Variants in LGALS9B observed in about 807,000 individuals in gnomAD.
The protein encoded by LGALS9B is galectin 9B.
In LGALS9B, 8 loss-of-function variants were observed where a neutral mutation model predicts 35.9. The observed-to-expected ratio is 0.22, with a 90% confidence interval of 0.13 to 0.40. The LOEUF (loss-of-function observed/expected upper bound fraction) is 0.40, where lower values mean the gene tolerates loss of function less well. Ranked by LOEUF, LGALS9B falls within the 10% of genes least tolerant of loss-of-function variation. The pLI, the probability that LGALS9B is intolerant of heterozygous loss-of-function variation, is 1.00. For synonymous variants in LGALS9B, 42 were observed against 148.6 expected, an observed-to-expected ratio of 0.28 and a Z score of 5.22; for missense variants, 101 against 397.9, an observed-to-expected ratio of 0.25 and a Z score of 6.35.
intron 1 of LGALS9B, among the ~76,000 whole-genome samples, chr17:20,464,122 G>A (rs1223296916): frequency 8.1e-6 from 1 of 123,532 alleles, no homozygotes; most frequent in Non-Finnish European, 1.6e-5. Flanking sequence ...TTTTGAGACA[G>A]GATCTCATTC....
At chr17:20,458,482 A>T in intron 2 of LGALS9B, 98 bp from the exon 3 acceptor site, 2 of 1,453,834 alleles carry the variant, frequency 1.4e-6, no homozygotes, top group Non-Finnish European at 1.9e-6. Flanking sequence ...TTTGTCTGGG[A>T]TCTTGCATAC....
At chr17:20,461,680 G>A (rs62066958) in intron 1 of LGALS9B, among the ~76,000 whole-genome samples, 19,605 of 85,962 alleles carry the variant, frequency 0.23, 3,531 homozygotes, top group Middle Eastern at 0.34. Flanking sequence ...CAAAGTAGAC[G>A]TCACACGCCT....
intron 2 of LGALS9B, 109 bp downstream of exon 2, chr17:20,460,243 A>G: frequency 6.3e-7 from 1 of 1,591,718 alleles, no homozygotes; most frequent in South Asian, 1.1e-5. Context: ...CCCCTGCGCC[A>G]GGCACGTGAG....
chr17:20,455,330 T>C lies in LGALS9B; in HGVS notation c.513A>G (p.Pro171=). 1 of 1,352,020 alleles carries C rather than the reference T, an allele frequency of 7.4e-7. No homozygotes were observed. Among genetic ancestry groups the C allele is most frequent in the Non-Finnish European group, 1.0e-6 (1 of 968,800 alleles). The allele number at this position is 1,352,020 out of a possible 1,614,324, so 83.8% of individuals were successfully genotyped here. A position where few individuals can be genotyped will look rare whatever the true frequency, so the allele number is the denominator to read the frequency against. Residue 171 remains proline, a synonymous_variant, in exon 5 of 11, where the codon CCA becomes CCG. Coordinates refer to ENST00000423676, the MANE Select transcript of LGALS9B (RefSeq NM_001367292.2). ...TTTGTCTGCGCCCCCTGGGCCTGGG[T>C]GGGAAACAGACAGGCTGGGAGAACG... The part of the protein sequence containing the change: ...TVPFSQPVCF[P]PRPRGRRQKP...
At position 20,460,395 on chromosome 17, in the gene LGALS9B, G is replaced by A; in HGVS notation, c.88C>T (p.Gln30Ter). The change falls in exon 2 of 11, where the codon CAG becomes TAG. Residue 30 changes from glutamine to a stop codon, truncating the protein, a stop_gained. Coordinates refer to ENST00000423676, the MANE Select transcript of LGALS9B (RefSeq NM_001367292.2). LOFTEE classifies it high-confidence loss of function. ...AGAACGGCCCCATTGACAGTGATCT[G>A]AAATCCGTCCTGGAGACCCCCTTGG... Reference protein sequence around the residue: ...TIQGGLQDGFQITVNGAVLSS... With the variant: ...TIQGGLQDGF The A allele has an allele frequency of 6.2e-7, 1 of 1,602,958 alleles. No homozygotes were observed. Among genetic ancestry groups the A allele is most frequent in the South Asian group, 1.1e-5 (1 of 90,986 alleles).
intron 1 of LGALS9B, among the ~76,000 whole-genome samples, chr17:20,466,158 C>T (rs368009741): frequency 6.6e-6 from 1 of 152,010 alleles, no homozygotes; most frequent in Non-Finnish European, 1.5e-5. Context: ...CTCTAAGGCT[C>T]GCCCAACACC....
intron 10 of LGALS9B, 55 bp downstream of exon 10, chr17:20,451,426 C>G: frequency 7.6e-7 from 1 of 1,321,708 alleles, no homozygotes; most frequent in Non-Finnish European, 1.0e-6. Context: ...CCTCCTTTAC[C>G]CCCTCCCCGT....
In LGALS9B at chr17:20,460,374, C is replaced by T. The variant is rs771732215; in HGVS notation, c.109G>A (p.Val37Ile). The change falls in exon 2 of 11, where the codon GTT (valine) becomes ATT (isoleucine). Residue 37 changes from valine to isoleucine, a missense_variant. Transcript: ENST00000423676. ...DGFQITVNGAVLSSSGTRFAV... is the reference protein window; with the variant it reads ...DGFQITVNGAILSSSGTRFAV... The stretch of plus-strand genomic sequence containing the variant: ...CACCTGGTTCCACTGGAGCTGAGAA[C>T]GGCCCCATTGACAGTGATCTGAAAT... 13 of 1,600,994 alleles carry T rather than the reference C, an allele frequency of 8.1e-6. No individual in the cohort carries two copies. Among genetic ancestry groups the T allele is most frequent in the East Asian group, 6.7e-5 (3 of 44,724 alleles).
intron 1 of LGALS9B, among the ~76,000 whole-genome samples, chr17:20,464,129 A>C (rs983600890): frequency 8.0e-6 from 1 of 124,616 alleles, no homozygotes; most frequent in Non-Finnish European, 1.6e-5. Context: ...ACAGGATCTC[A>C]TTCTGTCACC....
chr17:20,465,838 G>A (rs1248292421), intron 1 of LGALS9B, among the ~76,000 whole-genome samples: 27 of 149,036 alleles, frequency 1.8e-4, no homozygotes, highest in Non-Finnish European at 2.2e-4. Flanking sequence ...GCGTGGCTCC[G>A]ACTGCCAGAT....
rs930822161 is a variant in LGALS9B at position 20,467,208 on chromosome 17, C to G, written c.39+224G>C. Among the ~76,000 whole-genome samples the G allele has an allele frequency of 1.4e-5, 2 of 144,704 alleles. 1 individual carries two copies. Among genetic ancestry groups the G allele is most frequent in the African/African-American group, 5.3e-5 (2 of 38,068 alleles). 94.9% of individuals were successfully genotyped at this position (144,704 alleles called of 152,430 possible). ...ACAGGACACGACAGCTCAGCCAACA[C>G]TGTCAAACCCATGATTCATGGGAGG... On this transcript the variant is annotated intron_variant, in intron 1 of 10. Transcript: ENST00000423676.
At chr17:20,464,870 A>G (rs1437711511) in intron 1 of LGALS9B, among the ~76,000 whole-genome samples, 1 of 152,170 alleles carries the variant, frequency 6.6e-6, no homozygotes, top group Non-Finnish European at 1.5e-5. Flanking sequence ...CTGTGTGCTG[A>G]GTCCCTGGCT....
Position 20,451,958 on chromosome 17 carries a change from T to G in LGALS9B, c.673-75A>C, listed in dbSNP as rs559276260. The G allele has an allele frequency of 2.4e-3, 3,101 of 1,267,076 alleles. 505 individuals carry two copies. Among genetic ancestry groups the G allele is most frequent in the South Asian group, 0.015 (1,246 of 80,926 alleles). The allele number at this position is 1,267,076 out of a possible 1,614,324, so 78.5% of individuals were successfully genotyped here. A position where few individuals can be genotyped will look rare whatever the true frequency, so the allele number is the denominator to read the frequency against. ...CACATGGAAGGGGAAGATTGTACCA[T>G]TTCCCATGAATTTAGGCTGTCAGCT... is the stretch of plus-strand genomic sequence containing the variant. On this transcript the variant is annotated intron_variant, in intron 8 of 10. Transcript: ENST00000423676.
At chr17:20,461,414 T>C (rs2042728662) in intron 1 of LGALS9B, among the ~76,000 whole-genome samples, 1 of 152,094 alleles carries the variant, frequency 6.6e-6, no homozygotes, top group African/African-American at 2.4e-5. Context: ...CACCTTGGTC[T>C]CTCTGAGCAA....
In LGALS9B at chr17:20,449,873, C is replaced by T; in HGVS notation, c.*100G>A. 2 of 661,312 alleles carry T rather than the reference C, an allele frequency of 3.0e-6. No individual in the cohort carries two copies. The highest frequency in any genetic ancestry group is 3.2e-5 in the South Asian group (2 of 61,730). The allele number at this position is 661,312 out of a possible 1,614,324, so 41.0% of individuals were successfully genotyped here. A position where few individuals can be genotyped will look rare whatever the true frequency, so the allele number is the denominator to read the frequency against. ...ATGGCCTCTGCATTAAAGCCCAGAT[C>T]CCAGGCACGGTTGGAAAGGCTGGGC... On this transcript the variant is annotated 3_prime_UTR_variant, in exon 11 of 11. Coordinates refer to ENST00000423676, the MANE Select transcript of LGALS9B (RefSeq NM_001367292.2).
chr17:20,461,161 A>G (rs2042726730), intron 1 of LGALS9B, among the ~76,000 whole-genome samples: 2 of 150,994 alleles, frequency 1.3e-5, no homozygotes, highest in South Asian at 2.1e-4. Flanking sequence ...TAAAGGAGCT[A>G]TGGGCCATGG....
Position 20,460,362 on chromosome 17 carries a change from T to C in LGALS9B, c.121A>G (p.Ser41Gly), listed in dbSNP as rs573696909. 1.9e-6 allele frequency: 3 copies of C among 1,601,856 alleles called. No homozygotes were observed. In the South Asian group the frequency reaches 3.3e-5, roughly 18 times the overall value. ...ITVNGAVLSSSGTRFAVDFQT... is the reference protein window; with the variant it reads ...ITVNGAVLSSGGTRFAVDFQT... Reference sequence around the variant, plus strand: ...TCCATATACACACACCTGGTTCCACTGGAGCTGAGAACGGCCCCATTGACA... The same window carrying C: ...TCCATATACACACACCTGGTTCCACCGGAGCTGAGAACGGCCCCATTGACA... Residue 41 changes from serine (S) to glycine (G), a missense_variant, in exon 2 of 11, where the codon AGT (serine) becomes GGT (glycine). Coordinates refer to ENST00000423676, the MANE Select transcript of LGALS9B (RefSeq NM_001367292.2).
intron 1 of LGALS9B, among the ~76,000 whole-genome samples, chr17:20,464,072 TTTTG>T (rs1248303923): frequency 7.0e-5 from 10 of 142,232 alleles, no homozygotes; most frequent in South Asian, 2.4e-4. Context: ...GTTTTGGGGG[TTTTG>T]TTTGTTTGTT....
Position 20,458,357 on chromosome 17 carries a change from G to A in LGALS9B, c.159C>T (p.Phe53=), listed in dbSNP as rs373022109. The A allele has an allele frequency of 8.9e-5, 144 of 1,611,474 alleles. No individual in the cohort carries two copies. In the African/African-American group the frequency reaches 1.7e-3, roughly 19 times the overall value. ...TRFAVDFQTG[F]SGNDIAFHFN... is the part of the protein sequence containing the mutation. ...AGTGGAAGGCAATGTCGTTTCCACT[G>A]AAGCCCGTCTGAAAGTCCACAGCAA... Residue 53 remains phenylalanine (F), a synonymous_variant, in exon 3 of 11, where the codon TTC becomes TTT. Coordinates refer to ENST00000423676, the MANE Select transcript of LGALS9B (RefSeq NM_001367292.2).
Sources: gnomAD v4.1 joint callset for allele counts (sites outside exome capture counted in the v4.1 genomes callset) on GRCh38, gnomAD v4.1.1 for gene constraint, MANE v1.5 for transcripts, NCBI Gene and HGNC (gene_info 2026-07-23, HGNC 2026-07-21) for gene names.